The following SYT1 variants were observed in gnomAD, a reference collection of about 807,000 sequenced individuals.
The protein encoded by SYT1 is synaptotagmin 1.
A neutral mutation model predicts 44.8 loss-of-function variants in SYT1; 8 were observed. The ratio of observed to expected loss-of-function variants is 0.18; its 90% CI spans 0.10 to 0.32. SYT1 has a LOEUF of 0.32. Ranked by LOEUF, SYT1 falls within the 10% of genes least tolerant of loss-of-function variation. The pLI is 1.00. For missense variants in SYT1, 286 were observed against 509.3 expected (o/e 0.56, Z 4.22); for synonymous variants, 154 against 188.8 (o/e 0.82, Z 1.51).
intron 9 of SYT1, among the ~76,000 whole-genome samples, chr12:79,435,853 T>A (rs1251192649): frequency 2.6e-5 from 4 of 152,084 alleles, no homozygotes; most frequent in African/African-American, 9.7e-5. Context: ...CATCCCTCCC[T>A]CTCTCCTAGT....
At chr12:79,172,969 CAAAAAAAAAAAAAAAAA>C (rs200575966) in intron 3 of SYT1, among the ~76,000 whole-genome samples, 415 of 15,718 alleles carry the variant, frequency 0.026, 14 homozygotes, top group South Asian at 0.068. Flanking sequence ...TTCCTGCTCT[CAAAAAAAAAAAAAAAAA>C]AAAAAAAAAA....
At chr12:79,082,161 C>T (rs555147446) in intron 3 of SYT1, among the ~76,000 whole-genome samples, 54 of 152,150 alleles carry the variant, frequency 3.5e-4, no homozygotes, top group Non-Finnish European at 6.3e-4. Flanking sequence ...TAGATGCTTT[C>T]TTAGAGAGGA....
intron 3 of SYT1, among the ~76,000 whole-genome samples, chr12:79,134,539 A>G (rs1187903760): frequency 6.6e-6 from 1 of 152,198 alleles, no homozygotes; most frequent in Non-Finnish European, 1.5e-5. Context: ...ACTTTCAAAG[A>G]CATCGCTAGT....
At chr12:78,934,363 CA>C (rs1877935130) in intron 1 of SYT1, among the ~76,000 whole-genome samples, 1 of 151,814 alleles carries the variant, frequency 6.6e-6, no homozygotes, top group Admixed American at 6.6e-5. Context: ...TCTACAAAAA[CA>C]AACAAACAAA....
chr12:79,136,730 A>G (rs1592781824), intron 3 of SYT1, among the ~76,000 whole-genome samples: 1 of 152,154 alleles, frequency 6.6e-6, no homozygotes, highest in South Asian at 2.1e-4. Flanking sequence ...CTGAAAAACA[A>G]TATGTTTGAT....
chr12:79,340,706 A>G (rs1421594262), intron 8 of SYT1, among the ~76,000 whole-genome samples: 2 of 152,108 alleles, frequency 1.3e-5, no homozygotes, highest in Non-Finnish European at 2.9e-5. Context: ...ATTTCATACC[A>G]TGATGGATGC....
At chr12:78,968,190 A>G (rs1868293320) in intron 1 of SYT1, among the ~76,000 whole-genome samples, 1 of 152,164 alleles carries the variant, frequency 6.6e-6, no homozygotes, top group South Asian at 2.1e-4. Context: ...AGAAAATTGA[A>G]CATACTTGTG....
intron 9 of SYT1, among the ~76,000 whole-genome samples, chr12:79,423,520 C>CACACA (rs1223268950): frequency 6.6e-6 from 1 of 152,058 alleles, no homozygotes; most frequent in Non-Finnish European, 1.5e-5. Context: ...AACACACATA[C>CACACA]ACACAACAAA....
chr12:78,939,869 A>G (rs1466084980), intron 1 of SYT1, among the ~76,000 whole-genome samples: 1 of 152,210 alleles, frequency 6.6e-6, no homozygotes, highest in African/African-American at 2.4e-5. Flanking sequence ...AGGGTTTCTG[A>G]CAATGCCCTA....
chr12:79,041,403 A>T (rs1339291130), intron 2 of SYT1, among the ~76,000 whole-genome samples: 1 of 151,828 alleles, frequency 6.6e-6, no homozygotes, highest in Non-Finnish European at 1.5e-5. Flanking sequence ...ATGGGATTTC[A>T]CTCATGATTT....
chr12:78,889,080 G>GA (rs1293183952), intron 1 of SYT1, among the ~76,000 whole-genome samples: 2 of 151,024 alleles, frequency 1.3e-5, no homozygotes, highest in Non-Finnish European at 3.0e-5. Context: ...TTTTTTTTAA[G>GA]AAAAAATCAA....
intron 9 of SYT1, among the ~76,000 whole-genome samples, chr12:79,373,404 G>A (rs943582092): frequency 3.3e-5 from 5 of 152,168 alleles, no homozygotes; most frequent in African/African-American, 1.2e-4. Context: ...AAAAGATAAA[G>A]CAAAAGTAAA....
In SYT1 at chr12:78,982,591, T is replaced by C. The variant is rs139312918; in HGVS notation, c.-84+4660T>C. Reference sequence around the variant, plus strand: ...GAAATGGTCAATGCCTGTGTTGAGTTACCTGAATCTCTATTTGGCAGCTTC... The same window carrying C: ...GAAATGGTCAATGCCTGTGTTGAGTCACCTGAATCTCTATTTGGCAGCTTC... On this transcript the variant is annotated intron_variant, in intron 2 of 10. Transcript: ENST00000261205. 2.0e-5 allele frequency among the ~76,000 whole-genome samples: 3 copies of C among 152,276 alleles called. 1 individual carries two copies. Among genetic ancestry groups the C allele is most frequent in the African/African-American group, 7.2e-5 (3 of 41,574 alleles).
intron 9 of SYT1, among the ~76,000 whole-genome samples, chr12:79,379,182 A>G (rs1327294674): frequency 6.6e-6 from 1 of 152,192 alleles, no homozygotes; most frequent in African/African-American, 2.4e-5. Flanking sequence ...CCCAATAAAC[A>G]TATCAACAGA....
intron 8 of SYT1, among the ~76,000 whole-genome samples, chr12:79,303,648 T>A (rs1880253340): frequency 6.6e-6 from 1 of 152,162 alleles, no homozygotes. Flanking sequence ...GAGAAACTAC[T>A]TTAATGCTTT....
intron 4 of SYT1, among the ~76,000 whole-genome samples, chr12:79,218,674 T>C (rs573447252): frequency 1.2e-4 from 18 of 152,316 alleles, no homozygotes; most frequent in African/African-American, 4.3e-4. Flanking sequence ...GTTCACCAGG[T>C]TCATTCATGT....
intron 1 of SYT1, among the ~76,000 whole-genome samples, chr12:78,931,472 A>G (rs1358696668): frequency 1.3e-5 from 2 of 152,000 alleles, no homozygotes; most frequent in African/African-American, 4.8e-5. Context: ...AGAAAAAGAA[A>G]GAAAGAAAGA....
At chr12:79,128,324 T>C (rs2138164860) in intron 3 of SYT1, among the ~76,000 whole-genome samples, 1 of 152,014 alleles carries the variant, frequency 6.6e-6, no homozygotes, top group South Asian at 2.1e-4. Context: ...AGCCAGGAGG[T>C]TGTGGCTGCA....
chr12:79,133,538 G>A (rs973488166), intron 3 of SYT1, among the ~76,000 whole-genome samples: 1 of 152,058 alleles, frequency 6.6e-6, no homozygotes, highest in East Asian at 1.9e-4. Flanking sequence ...CAAATATTAT[G>A]TATCCAAAAA....
Sources: allele counts gnomAD v4.1 joint callset (sites outside exome capture counted in the v4.1 genomes callset), GRCh38; gene constraint gnomAD v4.1.1; transcripts MANE v1.5; gene names NCBI Gene and HGNC (gene_info 2026-07-23, HGNC 2026-07-21).